The following KIF15 variants were observed in gnomAD, a reference collection of about 807,000 sequenced individuals.
KIF15 encodes the protein kinesin family member 15.
A neutral mutation model predicts 190.6 loss-of-function variants in KIF15; 140 were observed. The ratio of observed to expected loss-of-function variants is 0.73; its 90% CI spans 0.64 to 0.84. KIF15 has a LOEUF of 0.84. KIF15 is among the 40% of genes least tolerant of loss of function. The pLI is 0.00. For synonymous variants in KIF15, 528 were observed against 551.3 expected (o/e 0.96, Z 0.59); for missense variants, 1,372 against 1,584.4 (o/e 0.87, Z 2.28).
At chr3:44,848,433 A>G in intron 31 of KIF15, 88 bp from the exon 32 acceptor site, 1 of 648,978 alleles carries the variant, frequency 1.5e-6, no homozygotes, top group Non-Finnish European at 2.7e-6. Flanking sequence ...ATGAAGGAGA[A>G]TGGGCTGGTT....
chr3:44,826,265 C>T (rs1195844746), intron 21 of KIF15, 76 bp downstream of exon 21: 3 of 1,556,088 alleles, frequency 1.9e-6, no homozygotes, highest in African/African-American at 1.4e-5. Flanking sequence ...GTCCTTTCCT[C>T]CTTCTTTGCT....
chr3:44,820,989 C>T (rs1423700798), intron 20 of KIF15, among the ~76,000 whole-genome samples: 1 of 148,012 alleles, frequency 6.8e-6, no homozygotes, highest in African/African-American at 2.5e-5. Context: ...GCTGACCCCC[C>T]CACCTCCCTC....
rs1705978920 is a variant in KIF15, at chr3:44,778,004, G to T, written c.247-111G>T. The T allele has an allele frequency of 3.8e-6, 3 of 798,032 alleles. No homozygotes were observed. The Admixed American group carries it at 5.5e-5, about 15-fold the overall frequency. The allele number at this position is 798,032 out of a possible 1,614,324, so 49.4% of individuals were successfully genotyped here. ...ATAGTTTAGCCTTTTTTCTGTAGTG[G>T]ATGTTATCCATGTTATTACTAAGCA... On this transcript the variant is annotated intron_variant, in intron 3 of 34. Transcript: ENST00000326047.
intron 20 of KIF15, among the ~76,000 whole-genome samples, chr3:44,815,768 G>C (rs1363193164): frequency 6.6e-6 from 1 of 151,946 alleles, no homozygotes; most frequent in Non-Finnish European, 1.5e-5. Flanking sequence ...TCAACCTTTT[G>C]TATAACATAA....
intron 10 of KIF15, among the ~76,000 whole-genome samples, chr3:44,798,544 C>T (rs2125632120): frequency 6.6e-6 from 1 of 151,898 alleles, no homozygotes; most frequent in East Asian, 1.9e-4. Flanking sequence ...ATCTCCTGAC[C>T]TCGTGATCCG....
chr3:44,857,017 C>G (rs1699196460), downstream of KIF15, among the ~76,000 whole-genome samples: 1 of 152,182 alleles, frequency 6.6e-6, no homozygotes, highest in Non-Finnish European at 1.5e-5. Flanking sequence ...GCCTGTTTTG[C>G]TGGTGAGTGG....
chr3:44,822,938 C>T (rs1275560570), intron 20 of KIF15, among the ~76,000 whole-genome samples: 1 of 152,164 alleles, frequency 6.6e-6, no homozygotes, highest in Non-Finnish European at 1.5e-5. Flanking sequence ...AGCTTCCTTG[C>T]ATTGGGTTTG....
chr3:44,771,824 AT>A (rs533704334), intron 1 of KIF15, among the ~76,000 whole-genome samples: 42 of 151,696 alleles, frequency 2.8e-4, no homozygotes, highest in African/African-American at 9.2e-4. Flanking sequence ...CACACAAGGA[AT>A]TTTTTTTTGC....
At chr3:44,783,895 C>G (rs1172767472) in intron 5 of KIF15, among the ~76,000 whole-genome samples, 3 of 152,106 alleles carry the variant, frequency 2.0e-5, no homozygotes, top group Non-Finnish European at 4.4e-5. Context: ...GCTATATATA[C>G]TTTTCTGGTA....
At chr3:44,847,843 C>A (rs759576107) in intron 30 of KIF15, 142 bp from the exon 31 acceptor site, 2 of 611,332 alleles carry the variant, frequency 3.3e-6, no homozygotes, top group Non-Finnish European at 5.8e-6. Context: ...ACTGTACTGA[C>A]TTGACCCAAT....
intron 17 of KIF15, 92 bp downstream of exon 17, chr3:44,811,135 A>G: frequency 1.1e-6 from 1 of 943,640 alleles, no homozygotes; most frequent in Non-Finnish European, 1.6e-6. Context: ...TACAGTGTTC[A>G]AAAGTGCTTA....
intron 13 of KIF15, 84 bp from the exon 14 acceptor site, chr3:44,802,730 G>A: frequency 7.2e-7 from 1 of 1,389,738 alleles, no homozygotes; most frequent in Non-Finnish European, 9.7e-7. Flanking sequence ...TGCATACCTA[G>A]TTTTCTAATG....
At chr3:44,781,423 A>T (rs541003348) in intron 5 of KIF15, among the ~76,000 whole-genome samples, 1 of 152,320 alleles carries the variant, frequency 6.6e-6, no homozygotes, top group East Asian at 1.9e-4. Context: ...CCATTACTGT[A>T]TAATATATTA....
chr3:44,777,783 ATTGACTG>A (rs2125906827), intron 3 of KIF15, among the ~76,000 whole-genome samples: 1 of 152,332 alleles, frequency 6.6e-6, no homozygotes, highest in Non-Finnish European at 1.5e-5. Context: ...AAATGGAGGT[ATTGACTG>A]TTCAGTGCAA....
chr3:44,852,060 T>G (rs1212621800), intron 33 of KIF15, 108 bp downstream of exon 33: 2 of 1,443,806 alleles, frequency 1.4e-6, no homozygotes, highest in East Asian at 4.6e-5. Flanking sequence ...CAGAGTTGCT[T>G]TATTGTATGA....
intron 8 of KIF15, among the ~76,000 whole-genome samples, chr3:44,795,404 C>A (rs960610497): frequency 6.6e-6 from 1 of 152,092 alleles, no homozygotes; most frequent in Non-Finnish European, 1.5e-5. Flanking sequence ...TTATCAAGGA[C>A]CAGGAGTGCC....
At chr3:44,839,855 T>A (rs373589914) in intron 27 of KIF15, among the ~76,000 whole-genome samples, 14 of 152,340 alleles carry the variant, frequency 9.2e-5, no homozygotes, top group African/African-American at 3.4e-4. Context: ...TGACAGAATT[T>A]GCTTCCTTTT....
At chr3:44,850,515 A>G (rs1323333467) in intron 32 of KIF15, among the ~76,000 whole-genome samples, 3 of 152,232 alleles carry the variant, frequency 2.0e-5, no homozygotes, top group African/African-American at 4.8e-5. Flanking sequence ...TGTCTCTGGA[A>G]CATACAGCAG....
rs568079183 is a variant in KIF15 at position 44,867,960 on chromosome 3, GTTTAAT to G, written c.*60-5364_*60-5359del. 2.2e-4 allele frequency among the ~76,000 whole-genome samples: 34 copies of G among 152,302 alleles called. No individual in the cohort carries two copies. In the East Asian group the frequency reaches 6.6e-3, roughly 29 times the overall value. On this transcript the variant is annotated intron_variant and NMD_transcript_variant, in intron 6 of 6. Coordinates refer to the KIF15 transcript ENST00000422209. The stretch of plus-strand genomic sequence containing the variant: ...AAAGGCCTGATAGGTCATTCCTTTC[GTTTAAT>G]TTTATTTTTTAACTTACTCTTTTTA...
Sources: allele counts gnomAD v4.1 joint callset (sites outside exome capture counted in the v4.1 genomes callset), GRCh38; gene constraint gnomAD v4.1.1; transcripts MANE v1.5; gene names NCBI Gene and HGNC (gene_info 2026-07-23, HGNC 2026-07-21).